CEP128: variants seen among roughly 807,000 people sequenced by gnomAD.
CEP128 encodes the protein centrosomal protein 128.
In CEP128, 132 loss-of-function variants were observed where a neutral mutation model predicts 156.7. That is an observed-to-expected ratio of 0.84 (90% CI 0.73 to 0.97). The LOEUF (loss-of-function observed/expected upper bound fraction) is 0.97, where lower values mean the gene tolerates loss of function less well. Among genes scored for constraint, CEP128 ranks in the 50% least tolerant of loss-of-function variants. The probability of loss-of-function intolerance (pLI) is 0.00; values close to 1 mark genes in which losing one functional copy is unlikely to be tolerated. For synonymous variants in CEP128, 469 were observed against 448.9 expected (o/e 1.04, Z -0.57); for missense variants, 1,252 against 1,281.9 (o/e 0.98, Z 0.36).
intron 8 of CEP128, among the ~76,000 whole-genome samples, chr14:80,893,407 G>A (rs1397432975): frequency 6.6e-6 from 1 of 151,238 alleles, no homozygotes; most frequent in Non-Finnish European, 1.5e-5. Context: ...CAAGTCTAGA[G>A]ATCTAAAGTA....
upstream of CEP128, among the ~76,000 whole-genome samples, chr14:80,944,882 A>G (rs140065099): frequency 6.7e-6 from 1 of 150,148 alleles, no homozygotes; most frequent in Admixed American, 6.6e-5. Flanking sequence ...CAAAACAAAA[A>G]AAAAAAAAAC....
intron 19 of CEP128, among the ~76,000 whole-genome samples, chr14:80,662,805 C>T (rs1440034382): frequency 6.6e-6 from 1 of 152,104 alleles, no homozygotes; most frequent in Non-Finnish European, 1.5e-5. Flanking sequence ...TTAGTACCAG[C>T]ACTTTACAAT....
intron 13 of CEP128, among the ~76,000 whole-genome samples, chr14:80,811,781 C>T (rs1884558373): frequency 7.5e-6 from 1 of 132,616 alleles, no homozygotes; most frequent in African/African-American, 3.0e-5. Flanking sequence ...TATCTCTCTT[C>T]TGCGTCTGTG....
intron 21 of CEP128, among the ~76,000 whole-genome samples, chr14:80,534,624 G>C (rs1484448916): frequency 6.6e-6 from 1 of 152,138 alleles, no homozygotes; most frequent in African/African-American, 2.4e-5. Flanking sequence ...AGGAGATTGA[G>C]ACCATCCTGG....
At chr14:80,619,458 G>C (rs1436181513) in intron 19 of CEP128, among the ~76,000 whole-genome samples, 3 of 151,150 alleles carry the variant, frequency 2.0e-5, no homozygotes, top group Non-Finnish European at 4.4e-5. Flanking sequence ...CCAGCATTTA[G>C]GGAGACCGAA....
intron 19 of CEP128, among the ~76,000 whole-genome samples, chr14:80,726,968 G>C (rs1307115546): frequency 6.6e-6 from 1 of 152,124 alleles, no homozygotes; most frequent in Non-Finnish European, 1.5e-5. Context: ...AGAAAAGATT[G>C]CATACAAAAT....
At chr14:80,702,920 G>A (rs557542302) in intron 19 of CEP128, among the ~76,000 whole-genome samples, 3 of 152,206 alleles carry the variant, frequency 2.0e-5, no homozygotes, top group Admixed American at 2.0e-4. Flanking sequence ...GCATAGTAGG[G>A]TTTTTAAAAT....
intron 20 of CEP128, among the ~76,000 whole-genome samples, chr14:80,569,762 A>G (rs1891060343): frequency 6.6e-6 from 1 of 152,200 alleles, no homozygotes; most frequent in African/African-American, 2.4e-5. Flanking sequence ...AGTGGTCTTT[A>G]CATGTTTATT....
intron 19 of CEP128, among the ~76,000 whole-genome samples, chr14:80,741,179 T>C (rs1001838037): frequency 1.3e-5 from 2 of 152,160 alleles, no homozygotes. Flanking sequence ...GCCTTCTATA[T>C]TTGTTCATAT....
rs780560304 is a variant in CEP128, at chr14:80,732,471, G to GGTTGTGT, written c.2806+10603_2806+10604insACACAAC. 3.9e-5 allele frequency among the ~76,000 whole-genome samples: 5 copies of GGTTGTGT among 127,646 alleles called. No homozygotes were observed. The East Asian group carries it at 1.2e-3, about 30-fold the overall frequency. The allele number at this position is 127,646 out of a possible 152,430, so 83.7% of individuals were successfully genotyped here. ...TTCATCTGGCAGAACTGATTAAGCA[G>GGTTGTGT]GTGTGTGTGTGTGTGTGTGTGTGTG... On this transcript the variant is annotated intron_variant, in intron 19 of 24. Coordinates refer to ENST00000555265, the MANE Select transcript of CEP128 (RefSeq NM_152446.5).
At chr14:80,912,764 TAAA>T (rs961301855) in intron 4 of CEP128, among the ~76,000 whole-genome samples, 76 of 112,132 alleles carry the variant, frequency 6.8e-4, no homozygotes, top group African/African-American at 2.8e-3. Context: ...CCTTTACTTG[TAAA>T]AAAAAATAAT....
At chr14:80,901,046 A>T (rs1348156758) in intron 6 of CEP128, among the ~76,000 whole-genome samples, 4 of 151,952 alleles carry the variant, frequency 2.6e-5, no homozygotes, top group Non-Finnish European at 5.9e-5. Flanking sequence ...CTCTACTAAA[A>T]ATACAAAAAA....
intron 2 of CEP128, among the ~76,000 whole-genome samples, chr14:80,929,487 G>C (rs1885333229): frequency 6.6e-6 from 1 of 152,172 alleles, no homozygotes; most frequent in African/African-American, 2.4e-5. Context: ...ATCAACTGAT[G>C]AGTGCATAAG....
chr14:80,775,060 T>C (rs192543614), intron 16 of CEP128, among the ~76,000 whole-genome samples: 11 of 152,274 alleles, frequency 7.2e-5, no homozygotes, highest in Admixed American at 5.2e-4. Flanking sequence ...TCAGCATATA[T>C]TTGGAAACAT....
intron 14 of CEP128, among the ~76,000 whole-genome samples, chr14:80,478,902 A>G (rs1886996928): frequency 6.6e-6 from 1 of 152,188 alleles, no homozygotes; most frequent in Non-Finnish European, 1.5e-5. Context: ...TAGCTTTGTC[A>G]CTCATTGTTC....
chr14:80,821,752 T>C (rs2044737), intron 13 of CEP128, among the ~76,000 whole-genome samples: 52,067 of 151,386 alleles, frequency 0.34, 9,764 homozygotes, highest in Non-Finnish European at 0.42. Context: ...CATGGCTCAC[T>C]GCAGCCTCGG....
chr14:80,580,508 T>G (rs1891545598), intron 19 of CEP128, 85 bp from the exon 20 acceptor site: 1 of 770,220 alleles, frequency 1.3e-6, no homozygotes, highest in South Asian at 1.6e-5. Context: ...AGCCAGTAGC[T>G]TGTATAAACT....
intron 13 of CEP128, among the ~76,000 whole-genome samples, chr14:80,815,882 A>G (rs1884823247): frequency 6.6e-6 from 1 of 152,252 alleles, no homozygotes; most frequent in African/African-American, 2.4e-5. Context: ...AATAATGAGT[A>G]CACATGGACA....
chr14:80,916,582 C>T lies in CEP128; in HGVS notation c.-15-20G>A, dbSNP rs151259063. On this transcript the variant is annotated intron_variant, in intron 2 of 24. Transcript: ENST00000555265. ...CAAATCCTTTTAAATAAATATAGGT[C>T]AAAGTTAATGAAACAGTAAAAAGCA... is the stretch of plus-strand genomic sequence containing the variant. 1.3e-5 allele frequency: 21 copies of T among 1,578,152 alleles called. No individual in the cohort carries two copies. Among genetic ancestry groups the T allele is most frequent in the Middle Eastern group, 1.7e-4 (1 of 5,928 alleles).
Sources: gnomAD v4.1 joint callset for allele counts (sites outside exome capture counted in the v4.1 genomes callset) on GRCh38, gnomAD v4.1.1 for gene constraint, MANE v1.5 for transcripts, NCBI Gene and HGNC (gene_info 2026-07-23, HGNC 2026-07-21) for gene names.